NPC1: variants seen among roughly 807,000 people sequenced by gnomAD.
NPC1 encodes the protein Niemann-Pick C1 protein.
In NPC1, 85 loss-of-function variants were observed where a neutral mutation model predicts 140.4. That is an observed-to-expected ratio of 0.61 (90% confidence interval 0.51 to 0.72). NPC1 has a LOEUF of 0.72. Among genes scored for constraint, NPC1 ranks in the 30% least tolerant of loss-of-function variants. The probability of loss-of-function intolerance (pLI) is 0.00; values close to 1 mark genes in which losing one functional copy is unlikely to be tolerated. For synonymous variants in NPC1, 656 were observed against 624.8 expected (o/e 1.05, Z -0.74); for missense variants, 1,504 against 1,623.8 (o/e 0.93, Z 1.27).
chr18:23,580,129 C>T (rs902569646), intron 1 of NPC1, among the ~76,000 whole-genome samples: 4 of 152,170 alleles, frequency 2.6e-5, no homozygotes, highest in African/African-American at 4.8e-5. Context: ...TACCAAACAT[C>T]GACTGCATGC....
chr18:23,543,188 G>T (rs927851876), intron 14 of NPC1, among the ~76,000 whole-genome samples: 14 of 152,042 alleles, frequency 9.2e-5, no homozygotes, highest in Non-Finnish European at 1.8e-4. Flanking sequence ...AATTAACTGG[G>T]CATGGTGGTA....
At chr18:23,522,934 T>A (rs964158443) in intron 1 of NPC1, 1 of 152,312 alleles carries the variant, frequency 6.6e-6, no homozygotes, top group Non-Finnish European at 1.5e-5. Flanking sequence ...ACCAGCACTT[T>A]TGGGAAGAGT....
intron 4 of NPC1, 65 bp downstream of exon 4, chr18:23,568,758 A>C: frequency 7.6e-7 from 1 of 1,316,706 alleles, no homozygotes; most frequent in Non-Finnish European, 1.1e-6. Flanking sequence ...GACAACTAAA[A>C]GGAACAATTT....
At chr18:23,568,247 T>G (rs929701625) in intron 4 of NPC1, among the ~76,000 whole-genome samples, 1 of 152,062 alleles carries the variant, frequency 6.6e-6, no homozygotes, top group African/African-American at 2.4e-5. Context: ...CAGGTTGCCT[T>G]GTATGTCACA....
chr18:23,569,702 A>T (rs1304259752), intron 3 of NPC1, among the ~76,000 whole-genome samples: 1 of 152,216 alleles, frequency 6.6e-6, no homozygotes, highest in East Asian at 1.9e-4. Flanking sequence ...TTTTCTTTCA[A>T]GCCCCGGAAA....
intron 3 of NPC1, chr18:23,516,333 C>T (rs780846585): frequency 5.6e-6 from 9 of 1,614,058 alleles, no homozygotes; most frequent in African/African-American, 4.0e-5. Context: ...GGCACTATGT[C>T]GAAGCTGCCC....
downstream of NPC1, among the ~76,000 whole-genome samples, chr18:23,518,539 A>G (rs1001460407): frequency 2.0e-5 from 3 of 152,230 alleles, no homozygotes; most frequent in Admixed American, 1.3e-4. Flanking sequence ...CCTGTTATTA[A>G]GGAATATACA....
intron 1 of NPC1, among the ~76,000 whole-genome samples, chr18:23,578,405 C>T (rs1172767032): frequency 6.6e-6 from 1 of 152,220 alleles, no homozygotes; most frequent in African/African-American, 2.4e-5. Context: ...CCTGTAGCAT[C>T]ACACCCTCCC....
intron 17 of NPC1, 54 bp downstream of exon 17, chr18:23,540,394 T>C (rs1187897571): frequency 8.7e-7 from 1 of 1,145,038 alleles, no homozygotes; most frequent in Non-Finnish European, 1.3e-6. Flanking sequence ...TTGAAAAATG[T>C]ATTCATCATC....
chr18:23,545,837 C>T (rs2058781773), intron 11 of NPC1, among the ~76,000 whole-genome samples: 2 of 152,178 alleles, frequency 1.3e-5, no homozygotes, highest in Non-Finnish European at 2.9e-5. Context: ...CAAGGCATTC[C>T]TCCTGCCTCC....
chr18:23,574,200 T>C (rs748970173), intron 1 of NPC1, among the ~76,000 whole-genome samples: 1 of 152,182 alleles, frequency 6.6e-6, no homozygotes, highest in African/African-American at 2.4e-5. Flanking sequence ...ACATTTCCCA[T>C]GTGAGAGTCA....
Position 23,556,590 on chromosome 18 carries a change from C to T in NPC1, c.979G>A (p.Val327Ile), listed in dbSNP as rs141361998. The T allele has an allele frequency of 6.2e-7, 1 of 1,613,996 alleles. No homozygotes were observed. Residue 327 changes from valine (V) to isoleucine (I), a missense_variant, in exon 8 of 25, where the codon GTC becomes ATC. Transcript: ENST00000269228. ...AAGCAGCCCTCAAATGCTGCGCTGA[C>T]AGGGTCACAGCAGGACGCCTCTCCT... is the stretch of plus-strand genomic sequence containing the variant. Reference protein sequence around the residue: ...DKGEASCCDPVSAAFEGCLRR... With the variant: ...DKGEASCCDPISAAFEGCLRR...
chr18:23,556,623 C>T lies in NPC1; in HGVS notation c.956-10G>A, dbSNP rs755660832. On this transcript the variant is annotated splice_polypyrimidine_tract_variant and intron_variant, in intron 7 of 24. Coordinates refer to ENST00000269228, the MANE Select transcript of NPC1 (RefSeq NM_000271.5). ...CAGCAGGACGCCTCTCCTGGAAGAA[C>T]GGGAGAGGAAGGGAAGGTGGAGGTT... The T allele has an allele frequency of 4.5e-5, 72 of 1,613,562 alleles. No individual in the cohort carries two copies. Among genetic ancestry groups the T allele is most frequent in the Non-Finnish European group, 5.8e-5 (69 of 1,179,866 alleles).
At chr18:23,518,421 G>A (rs1229728185), downstream of NPC1, among the ~76,000 whole-genome samples, 1 of 152,174 alleles carries the variant, frequency 6.6e-6, no homozygotes, top group East Asian at 1.9e-4. Context: ...CAAAGCCTAG[G>A]AGGTGGAGGT....
Position 23,560,396 on chromosome 18 carries a change from C to T in NPC1, c.716G>A (p.Ser239Asn), listed in dbSNP as rs1188095842. ...ESVDEVTAPC[S>N]CQDCSIVCGP... ...ACAGACAATAGAGCAGTCTTGGCAG[C>T]TACATGGTGCTGTGACCTCATCCAC... is the stretch of plus-strand genomic sequence containing the variant. The change falls in exon 6 of 25, where the codon AGC becomes AAC. Residue 239 changes from serine (S) to asparagine (N), a missense_variant. Physicochemically the swap from Ser to Asn is conservative, Grantham distance 46 (BLOSUM62 1). Coordinates refer to ENST00000269228, the MANE Select transcript of NPC1 (RefSeq NM_000271.5). 6.2e-7 allele frequency: 1 copy of T among 1,614,208 alleles called. No individual in the cohort carries two copies. The highest frequency in any genetic ancestry group is 8.5e-7 in the Non-Finnish European group (1 of 1,180,034).
In NPC1 at chr18:23,548,050, A is replaced by G. The variant is rs2058813847; in HGVS notation, c.1713T>C (p.Tyr571=). The G allele has an allele frequency of 6.2e-7, 1 of 1,612,350 alleles. No homozygotes were observed. The highest frequency in any genetic ancestry group is 1.7e-5 in the Admixed American group (1 of 60,006). The change falls in exon 11 of 25, where the codon TAT becomes TAC. Residue 571 remains tyrosine, a synonymous_variant. Transcript: ENST00000269228. ...LVITFPVNNY[Y]NDTEKLQRAQ... is the part of the protein sequence containing the mutation. ...CCCTCTGGAGCTTCTCTGTATCATTATAGTAATTATTGACAGGGAAGGTAA... is the reference window on the plus strand; with the variant it reads ...CCCTCTGGAGCTTCTCTGTATCATTGTAGTAATTATTGACAGGGAAGGTAA...
rs939248337 is a variant in NPC1 at position 23,551,456 on chromosome 18, C to G, written c.1654+171G>C. 3 of 688,534 alleles carry G rather than the reference C, an allele frequency of 4.4e-6. No individual in the cohort carries two copies. In the African/African-American group the frequency reaches 5.3e-5, roughly 12 times the overall value. The allele number at this position is 688,534 out of a possible 1,614,324, so 42.7% of individuals were successfully genotyped here. A position where few individuals can be genotyped will look rare whatever the true frequency, so the allele number is the denominator to read the frequency against. ...CTAACCCAATCCACTTCTTTTAAATCTGGAATGAAACCCAAACCCAAAGCC... is the reference window on the plus strand; with the variant it reads ...CTAACCCAATCCACTTCTTTTAAATGTGGAATGAAACCCAAACCCAAAGCC... On this transcript the variant is annotated intron_variant, in intron 10 of 24. Coordinates refer to ENST00000269228, the MANE Select transcript of NPC1 (RefSeq NM_000271.5).
In NPC1 at chr18:23,541,451, G is replaced by A. The variant is rs771278241; in HGVS notation, c.2246-18C>T. On this transcript the variant is annotated intron_variant, in intron 14 of 24. Coordinates refer to ENST00000269228, the MANE Select transcript of NPC1 (RefSeq NM_000271.5). The stretch of plus-strand genomic sequence containing the variant: ...CAATGCTCCTGTCGGGGAGAGAAGG[G>A]CTCTGCGTCACTTCTGTTTACAGCC... 1 of 1,614,126 alleles carries A rather than the reference G, an allele frequency of 6.2e-7. No individual in the cohort carries two copies. The highest frequency in any genetic ancestry group is 8.5e-7 in the Non-Finnish European group (1 of 1,180,022).
intron 21 of NPC1, 61 bp downstream of exon 21, chr18:23,536,612 C>G (rs1305130497): frequency 5.5e-6 from 8 of 1,462,670 alleles, no homozygotes; most frequent in Middle Eastern, 1.9e-4. Flanking sequence ...GAACCCTCCC[C>G]ACTCCCACCC....
Sources: gnomAD v4.1 joint callset for allele counts (sites outside exome capture counted in the v4.1 genomes callset) on GRCh38, gnomAD v4.1.1 for gene constraint, MANE v1.5 for transcripts, NCBI Gene and HGNC (gene_info 2026-07-23, HGNC 2026-07-21) for gene names.